The following GLI2 variants were observed in gnomAD, a reference collection of about 807,000 sequenced individuals.
The protein encoded by GLI2 is GLI family zinc finger 2, also known as transcription activator GLI2.
In GLI2, 22 loss-of-function variants were observed where a neutral mutation model predicts 78.9. That is an observed-to-expected ratio of 0.28 (90% CI 0.20 to 0.40). The LOEUF (loss-of-function observed/expected upper bound fraction) is 0.40. Among genes scored for constraint, GLI2 ranks in the 10% least tolerant of loss-of-function variants. The probability of loss-of-function intolerance (pLI) is 1.00; values close to 1 mark genes in which losing one functional copy is unlikely to be tolerated. For missense variants in GLI2, 2,097 were observed against 2,213.2 expected (o/e 0.95, Z 1.05); for synonymous variants, 974 against 963.7 (o/e 1.01, Z -0.20).
intron 2 of GLI2, among the ~76,000 whole-genome samples, chr2:120,799,375 A>G (rs955899366): frequency 1.2e-4 from 19 of 152,194 alleles, no homozygotes; most frequent in African/African-American, 4.1e-4. Context: ...TAGTTGCCAC[A>G]GGGCAGGTGG....
intron 2 of GLI2, among the ~76,000 whole-genome samples, chr2:120,841,888 T>TGA (rs1553455524): frequency 2.0e-5 from 3 of 150,904 alleles, no homozygotes; most frequent in African/African-American, 4.9e-5. Context: ...TGTGTGTGTG[T>TGA]GATGCTGGGC....
At chr2:120,896,226 C>T (rs1253336867) in intron 2 of GLI2, among the ~76,000 whole-genome samples, 1 of 152,156 alleles carries the variant, frequency 6.6e-6, no homozygotes, top group Non-Finnish European at 1.5e-5. Flanking sequence ...TTCCCCCACC[C>T]TCTCTCCGCC....
At chr2:120,802,712 G>C (rs1311827075) in intron 2 of GLI2, among the ~76,000 whole-genome samples, 1 of 152,144 alleles carries the variant, frequency 6.6e-6, no homozygotes, top group Non-Finnish European at 1.5e-5. Context: ...CCAGAGCTGG[G>C]TCTGATCTCA....
intron 5 of GLI2, among the ~76,000 whole-genome samples, chr2:120,962,910 G>A (rs1681655291): frequency 6.6e-6 from 1 of 152,124 alleles, no homozygotes. Flanking sequence ...CATGTTAGGT[G>A]GTTTTTCCCC....
intron 1 of GLI2, among the ~76,000 whole-genome samples, chr2:120,774,953 A>G (rs1008888527): frequency 6.6e-6 from 1 of 152,270 alleles, no homozygotes; most frequent in East Asian, 1.9e-4. Flanking sequence ...ATGAGAGCCC[A>G]CCAGACTCAT....
intron 3 of GLI2, among the ~76,000 whole-genome samples, chr2:120,943,166 A>G (rs1352903706): frequency 6.6e-6 from 1 of 152,188 alleles, no homozygotes; most frequent in Non-Finnish European, 1.5e-5. Flanking sequence ...CAGAGGAAGG[A>G]GCCACCTAAC....
At chr2:120,742,714 T>C (rs975804277) in intron 1 of GLI2, among the ~76,000 whole-genome samples, 14 of 149,158 alleles carry the variant, frequency 9.4e-5, no homozygotes, top group African/African-American at 3.2e-4. Context: ...GAAAAATCTT[T>C]CTCCATTGAG....
intron 2 of GLI2, among the ~76,000 whole-genome samples, chr2:120,814,668 C>A (rs1219340818): frequency 6.6e-6 from 1 of 152,202 alleles, no homozygotes; most frequent in Non-Finnish European, 1.5e-5. Flanking sequence ...CTCACAGGAG[C>A]AAGAACCCTA....
chr2:120,745,625 G>C (rs921541565), intron 1 of GLI2, among the ~76,000 whole-genome samples: 2 of 152,178 alleles, frequency 1.3e-5, no homozygotes, highest in Non-Finnish European at 2.9e-5. Flanking sequence ...GTGACCATGT[G>C]GGGTGGCTTC....
At chr2:120,933,556 C>T (rs17005421) in intron 3 of GLI2, among the ~76,000 whole-genome samples, 14,176 of 152,186 alleles carry the variant, frequency 0.093, 2,104 homozygotes, top group African/African-American at 0.31. Flanking sequence ...AACCTTGTGA[C>T]GCTAACAGGA....
At chr2:120,974,256 C>T (rs1472561973) in intron 8 of GLI2, among the ~76,000 whole-genome samples, 1 of 152,096 alleles carries the variant, frequency 6.6e-6, no homozygotes. Context: ...CCCTGTGCCC[C>T]GACCCCAGGC....
chr2:120,755,322 T>C (rs1683009105), intron 1 of GLI2, among the ~76,000 whole-genome samples: 1 of 152,244 alleles, frequency 6.6e-6, no homozygotes. Flanking sequence ...TATATTATTG[T>C]GGTTTTAACT....
chr2:120,788,058 G>T (rs769019490), intron 1 of GLI2, among the ~76,000 whole-genome samples: 2 of 152,158 alleles, frequency 1.3e-5, no homozygotes. Context: ...GGATGATAAG[G>T]CCAGGCCTGT....
At chr2:120,905,931 C>T (rs987772810) in intron 2 of GLI2, among the ~76,000 whole-genome samples, 4 of 150,712 alleles carry the variant, frequency 2.7e-5, no homozygotes, top group Non-Finnish European at 5.9e-5. Flanking sequence ...TCAGCTTATC[C>T]CGTCCCCTGC....
chr2:120,780,282 C>T (rs931570590), intron 1 of GLI2, among the ~76,000 whole-genome samples: 21 of 152,188 alleles, frequency 1.4e-4, no homozygotes, highest in Non-Finnish European at 2.5e-4. Context: ...CAAGAAGATC[C>T]ACTTGCCGAG....
intron 5 of GLI2, among the ~76,000 whole-genome samples, chr2:120,962,348 T>A (rs978048180): frequency 2.0e-5 from 3 of 152,170 alleles, no homozygotes; most frequent in African/African-American, 7.2e-5. Flanking sequence ...TGCCTCGGAG[T>A]ACTGTCTTCA....
At chr2:120,757,114 A>T (rs899254791) in intron 1 of GLI2, among the ~76,000 whole-genome samples, 36 of 152,128 alleles carry the variant, frequency 2.4e-4, no homozygotes, top group Non-Finnish European at 8.8e-5. Flanking sequence ...CTTTGGACAC[A>T]GGAATTCATT....
rs1354159399 is a variant in GLI2 at position 120,817,232 on chromosome 2, A to G, written c.148+19764A>G. On this transcript the variant is annotated intron_variant, in intron 2 of 13. Transcript: ENST00000361492. ...CTGTGGCCAGCCCTCACCCGGAACCACACAGGGAAGTGCGTAATGTCAGCT... is the reference window on the plus strand; with the variant it reads ...CTGTGGCCAGCCCTCACCCGGAACCGCACAGGGAAGTGCGTAATGTCAGCT... 2.0e-5 allele frequency among the ~76,000 whole-genome samples: 3 copies of G among 152,330 alleles called. No homozygotes were observed. In the East Asian group the frequency reaches 5.8e-4, roughly 29 times the overall value.
chr2:120,779,677 AT>A (rs963242067), intron 1 of GLI2, among the ~76,000 whole-genome samples: 5 of 152,246 alleles, frequency 3.3e-5, no homozygotes, highest in Non-Finnish European at 7.3e-5. Flanking sequence ...TCCATTATCT[AT>A]TCACAGGGAG....
Sources: allele counts gnomAD v4.1 joint callset (sites outside exome capture counted in the v4.1 genomes callset), GRCh38; gene constraint gnomAD v4.1.1; transcripts MANE v1.5; gene names NCBI Gene and HGNC (gene_info 2026-07-23, HGNC 2026-07-21).